The following CDC25C variants were observed in gnomAD, a reference collection of about 807,000 sequenced individuals.
CDC25C encodes the protein cell division cycle 25C.
A neutral mutation model predicts 52.5 loss-of-function variants in CDC25C; 48 were observed. The ratio of observed to expected loss-of-function variants is 0.91; its 90% CI spans 0.72 to 1.16. CDC25C has a LOEUF of 1.16. Ranked by LOEUF, CDC25C falls within the 50% of genes most tolerant of loss-of-function variation. The pLI is 0.00. For missense variants in CDC25C, 510 were observed against 566.1 expected, an observed-to-expected ratio of 0.90 and a Z score of 1.01; for synonymous variants, 187 against 206.5, an observed-to-expected ratio of 0.91 and a Z score of 0.81.
chr5:138,319,875 G>A (rs909447429), intron 6 of CDC25C, among the ~76,000 whole-genome samples: 19 of 152,196 alleles, frequency 1.2e-4, no homozygotes, highest in African/African-American at 4.6e-4. Flanking sequence ...GAAATAACAA[G>A]TGTTTGTGCA....
At chr5:138,328,623 T>C in intron 3 of CDC25C, 94 bp from the exon 4 acceptor site, 2 of 1,040,030 alleles carry the variant, frequency 1.9e-6, no homozygotes, top group Non-Finnish European at 1.5e-6. Context: ...GTAAGCCGTA[T>C]TAATTTCAAG....
chr5:138,312,785 T>A (rs1197110747), intron 7 of CDC25C, among the ~76,000 whole-genome samples: 1 of 152,192 alleles, frequency 6.6e-6, no homozygotes, highest in Non-Finnish European at 1.5e-5. Flanking sequence ...TGGGAATGTA[T>A]GTAATACTAC....
At chr5:138,329,256 G>A (rs11567963) in intron 3 of CDC25C, among the ~76,000 whole-genome samples, 18,996 of 152,136 alleles carry the variant, frequency 0.12, 1,614 homozygotes, top group South Asian at 0.25. Flanking sequence ...TTAGACTGAG[G>A]CACAAAACTT....
At chr5:138,292,895 A>G (rs901309519) in intron 7 of CDC25C, among the ~76,000 whole-genome samples, 2 of 152,282 alleles carry the variant, frequency 1.3e-5, no homozygotes, top group Non-Finnish European at 2.9e-5. Context: ...ATACTTTGAG[A>G]TCTCTACCTC....
At chr5:138,313,995 C>CTTTCTTTCTTTCA (rs1554117939) in intron 7 of CDC25C, among the ~76,000 whole-genome samples, 1 of 112,676 alleles carries the variant, frequency 8.9e-6, no homozygotes, top group Non-Finnish European at 1.8e-5. Flanking sequence ...TTCTTTCTTT[C>CTTTCTTTCTTTCA]TTTTTTTTTT....
intron 1 of CDC25C, chr5:138,337,724 CTCCGAGCAGGCCCTA>C: frequency 3.0e-6 from 1 of 335,688 alleles, no homozygotes; most frequent in Non-Finnish European, 5.8e-6. Context: ...GCTCCTGGGA[CTCCGAGCAGGCCCTA>C]ATCCGCGCTT....
intron 10 of CDC25C, 39 bp downstream of exon 10, chr5:138,289,462 G>A (rs752529911): frequency 1.4e-6 from 2 of 1,430,800 alleles, no homozygotes; most frequent in South Asian, 2.3e-5. Context: ...CCAGATGGTA[G>A]CTTATGTAAC....
chr5:138,289,517 T>C lies in CDC25C; in HGVS notation c.911A>G (p.Tyr304Cys). The change falls in exon 10 of 14, where the codon TAT becomes TGT. Residue 304 changes from tyrosine to cysteine, a missense_variant. Physicochemically the swap from Tyr to Cys is radical, Grantham distance 194. Transcript: ENST00000323760. ...TCTGCTTACTGTTTCTGGGTTGACA[T>C]ACTTCAGATCTTGGTGTTTCCCTGA... ...TVSGKHQDLK[Y>C]VNPETVAALL... The C allele has an allele frequency of 6.2e-7, 1 of 1,613,570 alleles. No individual in the cohort carries two copies. Among genetic ancestry groups the C allele is most frequent in the Non-Finnish European group, 8.5e-7 (1 of 1,179,486 alleles).
chr5:138,298,504 C>T (rs957817140), intron 7 of CDC25C, among the ~76,000 whole-genome samples: 4 of 152,112 alleles, frequency 2.6e-5, no homozygotes, highest in African/African-American at 7.2e-5. Context: ...GTAATCCTAG[C>T]ACTTTGGGAG....
At chr5:138,297,542 C>T (rs1757307787) in intron 7 of CDC25C, among the ~76,000 whole-genome samples, 1 of 152,196 alleles carries the variant, frequency 6.6e-6, no homozygotes, top group Non-Finnish European at 1.5e-5. Context: ...TATCTCCTCC[C>T]TCTAGCCATA....
intron 4 of CDC25C, 121 bp from the exon 5 acceptor site, chr5:138,326,175 ATG>A (rs1759841761): frequency 1.0e-6 from 1 of 988,410 alleles, no homozygotes; most frequent in Admixed American, 1.7e-5. Flanking sequence ...CCTAGTTGAT[ATG>A]TCTCTTCCAA....
At chr5:138,315,720 T>C (rs1163312190) in intron 7 of CDC25C, among the ~76,000 whole-genome samples, 1 of 152,144 alleles carries the variant, frequency 6.6e-6, no homozygotes, top group African/African-American at 2.4e-5. Flanking sequence ...GGTCAAGTGG[T>C]TGTCTTGTGA....
chr5:138,338,242 C>T (rs1561738146), exon 1 of CDC25C: 2 of 1,174,296 alleles, frequency 1.7e-6, no homozygotes, highest in Non-Finnish European at 2.3e-6. Flanking sequence ...CTTTTAAGGG[C>T]ACCGTGGGGC....
intron 7 of CDC25C, 73 bp from the exon 8 acceptor site, chr5:138,292,189 C>G: frequency 8.2e-7 from 1 of 1,215,036 alleles, no homozygotes. Flanking sequence ...AACAACATCT[C>G]CTGGGAGCTT....
At chr5:138,304,523 T>C (rs372069916) in intron 7 of CDC25C, among the ~76,000 whole-genome samples, 5 of 151,162 alleles carry the variant, frequency 3.3e-5, no homozygotes, top group Non-Finnish European at 7.4e-5. Context: ...TTCTCCTTTT[T>C]GAGGCAGGGT....
intron 4 of CDC25C, among the ~76,000 whole-genome samples, chr5:138,326,431 T>TC (rs1399966736): frequency 1.1e-4 from 17 of 152,120 alleles, no homozygotes; most frequent in African/African-American, 4.1e-4. Context: ...AAGCTCTGCC[T>TC]CCCGGTTTCA....
At chr5:138,325,783 C>T (rs991994958) in intron 6 of CDC25C, 32 bp downstream of exon 6, 9 of 1,478,194 alleles carry the variant, frequency 6.1e-6, no homozygotes, top group Non-Finnish European at 8.5e-6. Flanking sequence ...AATAAAACTG[C>T]CAATATATCT....
intron 8 of CDC25C, among the ~76,000 whole-genome samples, chr5:138,291,750 T>C (rs561128195): frequency 6.6e-6 from 1 of 150,680 alleles, no homozygotes; most frequent in Admixed American, 6.7e-5. Context: ...ACAATATAGA[T>C]ATACTTTATG....
chr5:138,330,402 A>ATACTAACAATACG (rs1760266706), intron 2 of CDC25C, among the ~76,000 whole-genome samples: 1 of 152,192 alleles, frequency 6.6e-6, no homozygotes, highest in Admixed American at 6.5e-5. Context: ...AATACTAATA[A>ATACTAACAATACG]AGTGACCGAC....
Sources: allele counts gnomAD v4.1 joint callset (sites outside exome capture counted in the v4.1 genomes callset), GRCh38; gene constraint gnomAD v4.1.1; transcripts MANE v1.5; gene names NCBI Gene and HGNC (gene_info 2026-07-23, HGNC 2026-07-21).